SETBP1: variants seen among roughly 807,000 people sequenced by gnomAD.
SETBP1 encodes SET binding protein 1, also known as SET-binding protein.
In SETBP1, 9 loss-of-function variants were observed where a neutral mutation model predicts 101.0. That is an observed-to-expected ratio of 0.09 (90% CI 0.05 to 0.16). SETBP1 has a LOEUF of 0.16. Among genes scored for constraint, SETBP1 ranks in the 10% least tolerant of loss-of-function variants. The probability of loss-of-function intolerance (pLI) is 1.00; values close to 1 mark genes in which losing one functional copy is unlikely to be tolerated. For synonymous variants in SETBP1, 818 were observed against 788.5 expected (o/e 1.04, Z -0.63); for missense variants, 1,858 against 2,033.8 (o/e 0.91, Z 1.66).
chr18:45,039,055 A>G (rs1568044700), intron 5 of SETBP1, among the ~76,000 whole-genome samples: 3 of 152,198 alleles, frequency 2.0e-5, no homozygotes, highest in South Asian at 4.1e-4. Context: ...AGCTAAGAGT[A>G]AAGAAGCCTG....
chr18:44,838,781 A>G (rs1331522388), intron 2 of SETBP1, among the ~76,000 whole-genome samples: 1 of 151,990 alleles, frequency 6.6e-6, no homozygotes, highest in Non-Finnish European at 1.5e-5. Flanking sequence ...TACGTTCTGA[A>G]TCTCATTGCT....
chr18:45,008,042 A>C (rs2072765954), intron 4 of SETBP1, among the ~76,000 whole-genome samples: 1 of 152,216 alleles, frequency 6.6e-6, no homozygotes, highest in African/African-American at 2.4e-5. Flanking sequence ...GAGTCCCTGA[A>C]GCCTCCCAGG....
At chr18:44,701,984 A>G (rs1262502569) in intron 2 of SETBP1, 152 bp downstream of exon 2, 1 of 879,902 alleles carries the variant, frequency 1.1e-6, no homozygotes, top group Non-Finnish European at 1.7e-6. Flanking sequence ...ATCTGTGTGT[A>G]ACTTTTGACT....
chr18:45,064,062 A>C lies in SETBP1; in HGVS notation c.*364A>C, dbSNP rs931493345. ...CGACTCCCGATTTCATTTGCTGGCC[A>C]GGAAAATCGAAAGGGAAACACCCTC... On this transcript the variant is annotated 3_prime_UTR_variant, in exon 6 of 6. Coordinates refer to ENST00000649279, the MANE Select transcript of SETBP1 (RefSeq NM_015559.3). The C allele has an allele frequency of 5.1e-6, 1 of 194,604 alleles. No homozygotes were observed. The highest frequency in any genetic ancestry group is 2.3e-5 in the African/African-American group (1 of 42,812). 12.1% of individuals were successfully genotyped at this position (194,604 alleles called of 1,614,324 possible). A position where few individuals can be genotyped will look rare whatever the true frequency, so the allele number is the denominator to read the frequency against.
intron 3 of SETBP1, among the ~76,000 whole-genome samples, chr18:44,936,033 C>T (rs571834022): frequency 2.2e-4 from 34 of 152,192 alleles, no homozygotes; most frequent in Non-Finnish European, 4.4e-4. Context: ...ATAGCTAAAA[C>T]ATTTTTAAAA....
chr18:45,041,552 G>GA (rs542061040), intron 5 of SETBP1, among the ~76,000 whole-genome samples: 5 of 149,890 alleles, frequency 3.3e-5, no homozygotes, highest in African/African-American at 1.2e-4. Context: ...ATTGCAGGGA[G>GA]AAAAAAAAAG....
At position 44,986,578 on chromosome 18, in the gene SETBP1, A is replaced by G. The variant is rs76254521; in HGVS notation, c.4000+33238A>G. 638 of 150,812 alleles carry G rather than the reference A, an allele frequency of 4.2e-3. 7 individuals are homozygous for G. Among genetic ancestry groups the G allele is most frequent in the African/African-American group, 0.015 (614 of 41,234 alleles). The allele number at this position is 150,812 out of a possible 1,614,324, so 9.3% of individuals were successfully genotyped here. ...AACACATTCTACAGTTGTGCAAAAT[A>G]TTTCTTATATTCTTATTCTATAAGC... On this transcript the variant is annotated intron_variant, in intron 4 of 5. Transcript: ENST00000649279.
chr18:45,018,805 A>G (rs566416674), intron 4 of SETBP1, among the ~76,000 whole-genome samples: 1 of 152,310 alleles, frequency 6.6e-6, no homozygotes, highest in East Asian at 1.9e-4. Flanking sequence ...CTAAGTATTA[A>G]ACTGATTACG....
chr18:44,990,591 C>T (rs534345743), intron 4 of SETBP1, among the ~76,000 whole-genome samples: 14 of 142,560 alleles, frequency 9.8e-5, no homozygotes, highest in African/African-American at 3.4e-4. Flanking sequence ...GACCTTGTCT[C>T]AAAAAACAAA....
intron 3 of SETBP1, among the ~76,000 whole-genome samples, chr18:44,882,731 A>C (rs1303830815): frequency 6.6e-6 from 1 of 152,106 alleles, no homozygotes. Context: ...ATCAGACAGG[A>C]AGAATAGGTC....
At chr18:44,727,186 C>CTCTGTGTGTGTGTGTG (rs143445388) in intron 2 of SETBP1, among the ~76,000 whole-genome samples, 1 of 145,188 alleles carries the variant, frequency 6.9e-6, no homozygotes, top group African/African-American at 2.6e-5. Flanking sequence ...TATTTGATCA[C>CTCTGTGTGTGTGTGTG]TGTGTGTGTG....
chr18:44,791,992 G>A (rs1175181433), intron 2 of SETBP1, among the ~76,000 whole-genome samples: 2 of 152,140 alleles, frequency 1.3e-5, no homozygotes, highest in Non-Finnish European at 2.9e-5. Flanking sequence ...TTCTGACACA[G>A]TTGGCTGTGC....
intron 4 of SETBP1, among the ~76,000 whole-genome samples, chr18:44,975,804 A>G (rs1045715132): frequency 6.6e-6 from 1 of 152,154 alleles, no homozygotes; most frequent in Non-Finnish European, 1.5e-5. Flanking sequence ...AAAGAATACT[A>G]ACATTCTGCA....
chr18:45,008,431 T>C (rs1180430138), intron 4 of SETBP1, among the ~76,000 whole-genome samples: 1 of 152,154 alleles, frequency 6.6e-6, no homozygotes, highest in Non-Finnish European at 1.5e-5. Flanking sequence ...TAAACCCAGA[T>C]GTACTTCCAA....
intron 2 of SETBP1, among the ~76,000 whole-genome samples, chr18:44,866,945 T>G (rs2069142698): frequency 6.6e-6 from 1 of 152,212 alleles, no homozygotes; most frequent in South Asian, 2.1e-4. Context: ...GGCACTCAGC[T>G]TTTTTCCCGT....
intron 3 of SETBP1, among the ~76,000 whole-genome samples, chr18:44,946,505 A>C (rs1022312017): frequency 6.6e-6 from 1 of 152,324 alleles, no homozygotes; most frequent in South Asian, 2.1e-4. Context: ...ATTGCATTGA[A>C]GGGGAGTTAC....
At chr18:44,958,755 G>T (rs1047330882) in intron 4 of SETBP1, among the ~76,000 whole-genome samples, 1 of 152,148 alleles carries the variant, frequency 6.6e-6, no homozygotes, top group African/African-American at 2.4e-5. Flanking sequence ...GTTGTAAAAG[G>T]TAAGCATCTC....
intron 2 of SETBP1, among the ~76,000 whole-genome samples, chr18:44,836,776 C>A (rs2072503435): frequency 6.6e-6 from 1 of 152,202 alleles, no homozygotes; most frequent in African/African-American, 2.4e-5. Context: ...GTCCTTGGTT[C>A]TTCCAGCTCC....
intron 4 of SETBP1, among the ~76,000 whole-genome samples, chr18:44,996,218 G>A (rs1034865835): frequency 9.2e-5 from 14 of 152,174 alleles, no homozygotes; most frequent in African/African-American, 3.1e-4. Context: ...AATGAAGTCT[G>A]ATAGCCAGGA....
Sources: allele counts gnomAD v4.1 joint callset (sites outside exome capture counted in the v4.1 genomes callset), GRCh38; gene constraint gnomAD v4.1.1; transcripts MANE v1.5; gene names NCBI Gene and HGNC (gene_info 2026-07-23, HGNC 2026-07-21).